CTNND2: variants seen among roughly 807,000 people sequenced by gnomAD.
The protein encoded by CTNND2 is catenin delta 2.
CTNND2 carries 22 observed loss-of-function variants against 144.4 expected under a neutral mutation model. The observed-to-expected ratio is 0.15, with a 90% CI of 0.11 to 0.22. The LOEUF (loss-of-function observed/expected upper bound fraction) is 0.22, where lower values mean the gene tolerates loss of function less well. Among genes scored for constraint, CTNND2 ranks in the 10% least tolerant of loss-of-function variants. The pLI, the probability that CTNND2 is intolerant of heterozygous loss-of-function variation, is 1.00. For missense variants in CTNND2, 1,353 were observed against 1,618.8 expected, an observed-to-expected ratio of 0.84 and a Z score of 2.82; for synonymous variants, 751 against 695.6, an observed-to-expected ratio of 1.08 and a Z score of -1.25.
Position 11,384,810 on chromosome 5 carries a change from C to G in CTNND2, c.1032G>C (p.Ser344=), listed in dbSNP as rs1178955346. The part of the protein sequence containing the change: ...PPTVQSTISS[S]PIHQLSSTIG... ...TGGTGGAGCTCAGCTGGTGGATGGG[C>G]GAGGAGGAGATGGTGGACTGCACGG... Residue 344 remains serine (S), a synonymous_variant, in exon 7 of 22, where the codon TCG becomes TCC. Coordinates refer to ENST00000304623, the MANE Select transcript of CTNND2 (RefSeq NM_001332.4). The surrounding 1 kb of genome is among the most constrained non-coding windows in gnomAD (Gnocchi z 5.2). The G allele has an allele frequency of 6.2e-7, 1 of 1,612,844 alleles. No homozygotes were observed. Among genetic ancestry groups the G allele is most frequent in the East Asian group, 2.2e-5 (1 of 44,842 alleles).
chr5:11,069,152 T>A, intron 16 of CTNND2, among the ~76,000 whole-genome samples: 1 of 152,200 alleles, frequency 6.6e-6, no homozygotes, highest in Non-Finnish European at 1.5e-5. Context: ...AAAGGTATTG[T>A]TCTTATTCCT....
chr5:11,880,385 G>C (rs1298472476), intron 1 of CTNND2, among the ~76,000 whole-genome samples: 1 of 151,860 alleles, frequency 6.6e-6, no homozygotes, highest in Admixed American at 6.6e-5. Context: ...ATTTAAGATG[G>C]TAATTTTAAA....
At chr5:11,082,003 G>T (rs544998523) in intron 16 of CTNND2, among the ~76,000 whole-genome samples, 1 of 152,278 alleles carries the variant, frequency 6.6e-6, no homozygotes, top group East Asian at 1.9e-4. Flanking sequence ...CAATTAAAAA[G>T]AAATTTGCAA....
chr5:11,560,830 A>G (rs1776625224), intron 3 of CTNND2, among the ~76,000 whole-genome samples: 1 of 152,234 alleles, frequency 6.6e-6, no homozygotes, highest in South Asian at 2.1e-4. Context: ...TCATGCATTC[A>G]TAGAACTGCA....
chr5:11,811,379 C>T (rs1275904621), intron 1 of CTNND2, among the ~76,000 whole-genome samples: 4 of 152,106 alleles, frequency 2.6e-5, no homozygotes, highest in Non-Finnish European at 5.9e-5. Flanking sequence ...TTCTGATTTC[C>T]CTGATTGAGT....
intron 14 of CTNND2, among the ~76,000 whole-genome samples, chr5:11,103,249 T>C (rs1301115368): frequency 1.3e-5 from 2 of 152,042 alleles, no homozygotes; most frequent in East Asian, 3.9e-4. Context: ...CCCAGAGTGC[T>C]GGGATTACAG....
intron 1 of CTNND2, among the ~76,000 whole-genome samples, chr5:11,851,704 G>A (rs1199816443): frequency 1.3e-5 from 2 of 152,222 alleles, no homozygotes; most frequent in African/African-American, 4.8e-5. Flanking sequence ...CCTGTGTGCT[G>A]CTGCCAAGTC....
chr5:11,793,384 C>A (rs552010152), intron 1 of CTNND2, among the ~76,000 whole-genome samples: 2 of 152,228 alleles, frequency 1.3e-5, no homozygotes, highest in African/African-American at 4.8e-5. Flanking sequence ...AAACTGTGTC[C>A]CTCCCAAGAT....
chr5:11,195,809 C>A (rs1736803610), intron 11 of CTNND2, among the ~76,000 whole-genome samples: 1 of 152,172 alleles, frequency 6.6e-6, no homozygotes, highest in Non-Finnish European at 1.5e-5. Context: ...ATTAGTCAGG[C>A]CCAAAGGACG....
At chr5:11,172,679 G>A (rs926475755) in intron 11 of CTNND2, among the ~76,000 whole-genome samples, 8 of 152,188 alleles carry the variant, frequency 5.3e-5, no homozygotes, top group East Asian at 1.9e-4. Flanking sequence ...GATGGAGAGC[G>A]CCAATGGGGA....
intron 1 of CTNND2, among the ~76,000 whole-genome samples, chr5:11,900,626 C>T (rs1409379725): frequency 6.6e-6 from 1 of 152,256 alleles, no homozygotes; most frequent in Non-Finnish European, 1.5e-5. Context: ...TGAACTGTTC[C>T]TACTCAAATT....
intron 3 of CTNND2, among the ~76,000 whole-genome samples, chr5:11,473,436 G>A (rs1767422514): frequency 6.6e-6 from 1 of 152,298 alleles, no homozygotes; most frequent in South Asian, 2.1e-4. Context: ...AGGGCAACCA[G>A]TTGGCTGAGA....
At chr5:11,898,928 G>A (rs1437071397) in intron 1 of CTNND2, among the ~76,000 whole-genome samples, 1 of 152,162 alleles carries the variant, frequency 6.6e-6, no homozygotes, top group Non-Finnish European at 1.5e-5. Context: ...TGTTGCTGAA[G>A]ATCACAGTTC....
At chr5:11,129,127 AT>A (rs1755183688) in intron 12 of CTNND2, among the ~76,000 whole-genome samples, 1 of 38,434 alleles carries the variant, frequency 2.6e-5, no homozygotes, top group African/African-American at 1.2e-4. Flanking sequence ...TATATAATAT[AT>A]ATTTATATAT....
chr5:11,708,436 G>A (rs1785840223), intron 2 of CTNND2, among the ~76,000 whole-genome samples: 1 of 152,106 alleles, frequency 6.6e-6, no homozygotes, highest in South Asian at 2.1e-4. Context: ...TTTAATCATG[G>A]TTCTCTCTAG....
At chr5:11,608,401 A>C (rs2126367177) in intron 2 of CTNND2, among the ~76,000 whole-genome samples, 1 of 152,272 alleles carries the variant, frequency 6.6e-6, no homozygotes, top group Non-Finnish European at 1.5e-5. Flanking sequence ...CACACCCAGA[A>C]TAAAATCTGG....
chr5:11,649,443 G>A (rs1782535552), intron 2 of CTNND2, among the ~76,000 whole-genome samples: 2 of 152,200 alleles, frequency 1.3e-5, no homozygotes, highest in Admixed American at 6.5e-5. Flanking sequence ...TCAGCCTCCA[G>A]AGTAGCTGGG....
At chr5:11,215,076 A>G (rs915837804) in intron 10 of CTNND2, among the ~76,000 whole-genome samples, 3 of 152,216 alleles carry the variant, frequency 2.0e-5, no homozygotes, top group Admixed American at 6.5e-5. Context: ...GCCAGCAGAC[A>G]TTCCATATAT....
At chr5:11,685,453 T>C (rs956341620) in intron 2 of CTNND2, among the ~76,000 whole-genome samples, 5 of 152,234 alleles carry the variant, frequency 3.3e-5, no homozygotes, top group Non-Finnish European at 7.3e-5. Context: ...TTTGATTGTA[T>C]GTGAACTAGG....
Sources: allele counts gnomAD v4.1 joint callset (sites outside exome capture counted in the v4.1 genomes callset), GRCh38; gene constraint gnomAD v4.1.1; non-coding constraint Gnocchi (gnomAD v3.1); transcripts MANE v1.5; gene names NCBI Gene and HGNC (gene_info 2026-07-23, HGNC 2026-07-21).